SLC4A10: variants seen among roughly 807,000 people sequenced by gnomAD.
SLC4A10 encodes solute carrier family 4 member 10, also known as sodium-driven chloride bicarbonate exchanger.
Under a neutral mutation model 137.7 loss-of-function variants are expected in SLC4A10, and 42 were observed. That is an observed-to-expected ratio of 0.30 (90% CI 0.24 to 0.39). The LOEUF (loss-of-function observed/expected upper bound fraction) is 0.39, where lower values mean the gene tolerates loss of function less well. Ranked by LOEUF, SLC4A10 falls within the 10% of genes least tolerant of loss-of-function variation. The pLI, the probability that SLC4A10 is intolerant of heterozygous loss-of-function variation, is 1.00. For missense variants in SLC4A10, 925 were observed against 1,355.0 expected (o/e 0.68, Z 4.98); for synonymous variants, 474 against 464.1 (o/e 1.02, Z -0.27).
chr2:161,958,328 A>C (rs941011800), intron 20 of SLC4A10, among the ~76,000 whole-genome samples, 159 bp from the exon 21 acceptor site: 2 of 152,196 alleles, frequency 1.3e-5, no homozygotes, highest in Non-Finnish European at 2.9e-5. Flanking sequence ...TACACAGCTA[A>C]AAATGCTAGA....
chr2:161,817,908 T>A (rs1314492119), intron 3 of SLC4A10, among the ~76,000 whole-genome samples: 11 of 151,714 alleles, frequency 7.3e-5, no homozygotes, highest in Non-Finnish European at 7.4e-5. Context: ...TGAAGTCAGG[T>A]AGCGTGATGC....
intron 3 of SLC4A10, among the ~76,000 whole-genome samples, chr2:161,829,968 A>G (rs577745897): frequency 2.8e-4 from 43 of 152,296 alleles, no homozygotes; most frequent in African/African-American, 1.0e-3. Flanking sequence ...CCATGATTCA[A>G]TTATCTCTCA....
intron 9 of SLC4A10, among the ~76,000 whole-genome samples, chr2:161,880,797 G>A (rs1196920921): frequency 6.6e-6 from 1 of 152,058 alleles, no homozygotes; most frequent in East Asian, 1.9e-4. Context: ...GTGCATTTGT[G>A]TTCCACCACT....
At chr2:161,806,913 T>C (rs1200712656) in intron 3 of SLC4A10, among the ~76,000 whole-genome samples, 1 of 152,154 alleles carries the variant, frequency 6.6e-6, no homozygotes, top group East Asian at 1.9e-4. Flanking sequence ...ATTAATATGT[T>C]TTCACACTGC....
intron 15 of SLC4A10, among the ~76,000 whole-genome samples, chr2:161,916,387 A>G (rs6715439): frequency 0.33 from 50,028 of 151,444 alleles, 8,591 homozygotes; most frequent in Admixed American, 0.41. Context: ...ACTTATCTTC[A>G]CTCTCTCTAC....
At chr2:161,744,638 T>C (rs997969273) in intron 1 of SLC4A10, among the ~76,000 whole-genome samples, 9 of 152,162 alleles carry the variant, frequency 5.9e-5, no homozygotes, top group African/African-American at 2.2e-4. Context: ...ATAACATCTA[T>C]AACCCATTAT....
chr2:161,925,936 A>T (rs371574920), intron 15 of SLC4A10, among the ~76,000 whole-genome samples: 2 of 151,658 alleles, frequency 1.3e-5, no homozygotes, highest in African/African-American at 2.4e-5. Flanking sequence ...ATAATTTCTG[A>T]TCTTTTACAT....
intron 15 of SLC4A10, among the ~76,000 whole-genome samples, chr2:161,940,829 C>A (rs1410716968): frequency 6.6e-6 from 1 of 152,128 alleles, no homozygotes; most frequent in Admixed American, 6.5e-5. Context: ...GCAGGCAGGG[C>A]ACTGTGGCTT....
At chr2:161,945,006 A>T (rs1693475581) in intron 16 of SLC4A10, among the ~76,000 whole-genome samples, 1 of 151,010 alleles carries the variant, frequency 6.6e-6, no homozygotes, top group Non-Finnish European at 1.5e-5. Flanking sequence ...ATTATAATTT[A>T]TACCTTGCCA....
rs553563602 is a variant in SLC4A10 at position 161,889,835 on chromosome 2, G to T, written c.1195-4844G>T. Among the ~76,000 whole-genome samples the T allele has an allele frequency of 1.2e-3, 190 of 152,144 alleles. 1 individual carries two copies. The highest frequency in any genetic ancestry group is 4.3e-3 in the African/African-American group (180 of 41,516). On this transcript the variant is annotated intron_variant, in intron 10 of 26. Coordinates refer to ENST00000446997, the MANE Select transcript of SLC4A10 (RefSeq NM_001178015.2). ...TATTTCTTCTCTTCTGCTAGCTTTT[G>T]AATTTGTTTGCTCTTGCTTCTCTGG...
At chr2:161,663,852 A>T (rs1040222960) in intron 1 of SLC4A10, among the ~76,000 whole-genome samples, 1 of 152,056 alleles carries the variant, frequency 6.6e-6, no homozygotes, top group African/African-American at 2.4e-5. Context: ...TGAACAGCTG[A>T]TAGTTTGACC....
chr2:161,950,811 C>T lies in SLC4A10; in HGVS notation c.2504C>T (p.Thr835Ile), dbSNP rs1694664749. ...CTAATTTTTATGGACCAACAGATTACAGCTGTCATCATCAACAGGAAAGAG... is the reference window on the plus strand; with the variant it reads ...CTAATTTTTATGGACCAACAGATTATAGCTGTCATCATCAACAGGAAAGAG... ...TILIFMDQQI[T>I]AVIINRKEHK... is the part of the protein sequence containing the mutation. The change falls in exon 19 of 27, where the codon ACA becomes ATA. Residue 835 changes from threonine to isoleucine, a missense_variant. Thr to Ile is a moderately conservative substitution (Grantham distance 89). Coordinates refer to ENST00000446997, the MANE Select transcript of SLC4A10 (RefSeq NM_001178015.2). The T allele has an allele frequency of 6.2e-7, 1 of 1,605,532 alleles. No individual in the cohort carries two copies. Among genetic ancestry groups the T allele is most frequent in the Non-Finnish European group, 8.5e-7 (1 of 1,175,624 alleles).
chr2:161,753,646 G>T (rs1030445153), intron 1 of SLC4A10, among the ~76,000 whole-genome samples: 1 of 152,022 alleles, frequency 6.6e-6, no homozygotes, highest in Non-Finnish European at 1.5e-5. Flanking sequence ...TAGTAGTAGT[G>T]ATAATCTTAA....
At chr2:161,648,273 A>G (rs1361038987) in intron 1 of SLC4A10, among the ~76,000 whole-genome samples, 3 of 152,030 alleles carry the variant, frequency 2.0e-5, no homozygotes, top group Non-Finnish European at 4.4e-5. Context: ...CTGCAACTAT[A>G]CTTTTCAAAA....
At chr2:161,892,360 G>A (rs2063008009) in intron 10 of SLC4A10, among the ~76,000 whole-genome samples, 1 of 151,610 alleles carries the variant, frequency 6.6e-6, no homozygotes. Flanking sequence ...TAGGTCTCAG[G>A]GCCATGTAGC....
intron 15 of SLC4A10, among the ~76,000 whole-genome samples, chr2:161,925,711 A>G (rs367745158): frequency 0.015 from 2,203 of 151,356 alleles, 25 homozygotes; most frequent in Non-Finnish European, 0.023. Context: ...TTCCCTCTAC[A>G]CACTGCTTTG....
intron 1 of SLC4A10, among the ~76,000 whole-genome samples, chr2:161,746,951 C>T (rs973321544): frequency 4.6e-5 from 7 of 152,070 alleles, no homozygotes; most frequent in Non-Finnish European, 7.4e-5. Context: ...GAGCTGGTAT[C>T]GCAGTTGCAA....
intron 3 of SLC4A10, among the ~76,000 whole-genome samples, chr2:161,807,199 C>T (rs182533967): frequency 3.3e-5 from 5 of 152,278 alleles, no homozygotes; most frequent in Admixed American, 3.3e-4. Context: ...GTCCCTCCCA[C>T]AACATGTGAG....
intron 15 of SLC4A10, among the ~76,000 whole-genome samples, chr2:161,920,888 A>T (rs1272709165): frequency 6.6e-6 from 1 of 152,224 alleles, no homozygotes; most frequent in Non-Finnish European, 1.5e-5. Context: ...GTCAGTGCTG[A>T]TGGTATAAAA....
Sources: gnomAD v4.1 joint callset for allele counts (sites outside exome capture counted in the v4.1 genomes callset) on GRCh38, gnomAD v4.1.1 for gene constraint, MANE v1.5 for transcripts, NCBI Gene and HGNC (gene_info 2026-07-23, HGNC 2026-07-21) for gene names.